GRID2: variants seen among roughly 807,000 people sequenced by gnomAD.
GRID2 encodes the protein glutamate ionotropic receptor delta type subunit 2.
GRID2 carries 33 observed loss-of-function variants against 114.8 expected under a neutral mutation model. The ratio of observed to expected loss-of-function variants is 0.29; its 90% CI spans 0.22 to 0.38. The LOEUF (loss-of-function observed/expected upper bound fraction) is 0.38. Among genes scored for constraint, GRID2 ranks in the 10% least tolerant of loss-of-function variants. GRID2 has a pLI of 1.00. For synonymous variants in GRID2, 505 were observed against 449.9 expected (o/e 1.12, Z -1.55); for missense variants, 1,184 against 1,257.7 (o/e 0.94, Z 0.89).
intron 9 of GRID2, among the ~76,000 whole-genome samples, chr4:93,408,173 A>AT (rs2149348612): frequency 6.6e-6 from 1 of 152,244 alleles, no homozygotes; most frequent in South Asian, 2.1e-4. Flanking sequence ...GTGAAGGAGA[A>AT]TTTTTTAACA....
chr4:93,015,868 C>T (rs1329997494), intron 2 of GRID2, among the ~76,000 whole-genome samples: 6 of 151,742 alleles, frequency 4.0e-5, no homozygotes, highest in Admixed American at 2.6e-4. Flanking sequence ...CTCAACCCCC[C>T]AAACAAAACA....
chr4:92,523,746 C>T (rs1230353213), intron 1 of GRID2, among the ~76,000 whole-genome samples: 1 of 151,896 alleles, frequency 6.6e-6, no homozygotes, highest in Non-Finnish European at 1.5e-5. Context: ...TAGAAGGACA[C>T]AGAAGTGGGC....
chr4:92,954,497 A>G (rs34459306), intron 2 of GRID2, among the ~76,000 whole-genome samples: 11,125 of 151,000 alleles, frequency 0.074, 575 homozygotes, highest in Non-Finnish European at 0.11. Flanking sequence ...AGCGATCTCG[A>G]CTCACTGCAA....
chr4:93,420,289 A>G (rs767422712), intron 9 of GRID2, among the ~76,000 whole-genome samples: 15 of 152,158 alleles, frequency 9.9e-5, no homozygotes, highest in Non-Finnish European at 2.1e-4. Context: ...TCTTATTTAC[A>G]TGGTCTGTGA....
intron 3 of GRID2, among the ~76,000 whole-genome samples, chr4:93,089,180 G>C (rs1318849036): frequency 1.3e-5 from 2 of 152,038 alleles, no homozygotes; most frequent in African/African-American, 4.8e-5. Flanking sequence ...AGCCATGAAG[G>C]TATTTTAACA....
chr4:93,757,653 T>G (rs1486172360), intron 14 of GRID2, among the ~76,000 whole-genome samples: 1 of 152,192 alleles, frequency 6.6e-6, no homozygotes, highest in Non-Finnish European at 1.5e-5. Context: ...TTGGGATTTT[T>G]TCCTCCATTT....
Position 93,773,496 on chromosome 4 carries a change from G to C in GRID2, c.*998G>C, listed in dbSNP as rs2110343697. 1 of 152,180 alleles carries C rather than the reference G, an allele frequency of 6.6e-6. No homozygotes were observed. Among genetic ancestry groups the C allele is most frequent in the South Asian group, 2.1e-4 (1 of 4,828 alleles). The allele number at this position is 152,180 out of a possible 1,614,324, so 9.4% of individuals were successfully genotyped here. A position where few individuals can be genotyped will look rare whatever the true frequency, so the allele number is the denominator to read the frequency against. On this transcript the variant is annotated 3_prime_UTR_variant, in exon 16 of 16. Coordinates refer to ENST00000282020, the MANE Select transcript of GRID2 (RefSeq NM_001510.4). Reference sequence around the variant, plus strand: ...TCCTAGATGTAACTCATTTGAATAGGTTTTGCATTTGTTATTCAGCAGTGT... The same window carrying C: ...TCCTAGATGTAACTCATTTGAATAGCTTTTGCATTTGTTATTCAGCAGTGT...
intron 1 of GRID2, among the ~76,000 whole-genome samples, chr4:92,432,947 CT>C (rs1732537208): frequency 6.6e-6 from 1 of 152,136 alleles, no homozygotes; most frequent in Non-Finnish European, 1.5e-5. Context: ...CCCAAGGGCT[CT>C]TTATTCAGCT....
At chr4:92,830,971 TG>T (rs1298820860) in intron 2 of GRID2, among the ~76,000 whole-genome samples, 2 of 152,196 alleles carry the variant, frequency 1.3e-5, no homozygotes, top group Non-Finnish European at 2.9e-5. Flanking sequence ...ATGGTTAAGC[TG>T]TCATTATCTT....
intron 4 of GRID2, among the ~76,000 whole-genome samples, chr4:93,181,071 G>A (rs1311544152): frequency 6.6e-6 from 1 of 152,056 alleles, no homozygotes; most frequent in African/African-American, 2.4e-5. Flanking sequence ...CCTATTTATG[G>A]CAGCTATAGA....
At chr4:92,891,033 T>C (rs1279756701) in intron 2 of GRID2, among the ~76,000 whole-genome samples, 1 of 152,100 alleles carries the variant, frequency 6.6e-6, no homozygotes, top group African/African-American at 2.4e-5. Flanking sequence ...AAATTCCTCA[T>C]GTTCTCACTC....
At chr4:93,724,954 A>ATT (rs201668660) in intron 14 of GRID2, among the ~76,000 whole-genome samples, 3 of 151,260 alleles carry the variant, frequency 2.0e-5, no homozygotes, top group Non-Finnish European at 4.4e-5. Context: ...TAATTTTTGT[A>ATT]TTTTTTTTAG....
intron 14 of GRID2, among the ~76,000 whole-genome samples, chr4:93,703,768 A>G (rs972181750): frequency 1.3e-5 from 2 of 151,248 alleles, no homozygotes; most frequent in African/African-American, 4.9e-5. Flanking sequence ...TCCTTGAGAT[A>G]GTTTGCTGAG....
At chr4:93,317,027 T>C (rs1756730796) in intron 8 of GRID2, among the ~76,000 whole-genome samples, 1 of 152,294 alleles carries the variant, frequency 6.6e-6, no homozygotes, top group African/African-American at 2.4e-5. Flanking sequence ...ATTACCTTAA[T>C]TTCCTTTTTT....
chr4:92,695,511 A>G (rs1734386762), intron 2 of GRID2, among the ~76,000 whole-genome samples: 1 of 152,140 alleles, frequency 6.6e-6, no homozygotes, highest in African/African-American at 2.4e-5. Flanking sequence ...TACCAGAACA[A>G]CTGTAAAGAG....
At chr4:93,478,079 TGTGA>T (rs1725489835) in intron 11 of GRID2, among the ~76,000 whole-genome samples, 1 of 152,104 alleles carries the variant, frequency 6.6e-6, no homozygotes, top group South Asian at 2.1e-4. Flanking sequence ...ACCTGAAATC[TGTGA>T]TTGATGTTCA....
intron 2 of GRID2, among the ~76,000 whole-genome samples, chr4:92,919,699 G>A (rs1205248732): frequency 6.6e-6 from 1 of 152,156 alleles, no homozygotes; most frequent in Non-Finnish European, 1.5e-5. Flanking sequence ...TAGTTTGATT[G>A]CACTGTGGTC....
intron 2 of GRID2, among the ~76,000 whole-genome samples, chr4:93,029,834 A>G (rs771762310): frequency 6.6e-6 from 1 of 152,186 alleles, no homozygotes; most frequent in East Asian, 1.9e-4. Context: ...AGTCTCTCAA[A>G]AGAAAATGTT....
intron 4 of GRID2, among the ~76,000 whole-genome samples, chr4:93,132,938 C>T (rs1734937141): frequency 6.6e-6 from 1 of 152,164 alleles, no homozygotes; most frequent in African/African-American, 2.4e-5. Context: ...GTTGTGGTAC[C>T]TATTAGTTGA....
Sources: gnomAD v4.1 joint callset for allele counts (sites outside exome capture counted in the v4.1 genomes callset) on GRCh38, gnomAD v4.1.1 for gene constraint, MANE v1.5 for transcripts, NCBI Gene and HGNC (gene_info 2026-07-23, HGNC 2026-07-21) for gene names.